The following TENM4 variants were observed in gnomAD, a reference collection of about 807,000 sequenced individuals.
TENM4 encodes the protein teneurin-4.
A neutral mutation model predicts 243.3 loss-of-function variants in TENM4; 82 were observed. The ratio of observed to expected loss-of-function variants is 0.34; its 90% CI spans 0.28 to 0.40. The LOEUF (loss-of-function observed/expected upper bound fraction) is 0.40. Among genes scored for constraint, TENM4 ranks in the 10% least tolerant of loss-of-function variants. The pLI, the probability that TENM4 is intolerant of heterozygous loss-of-function variation, is 1.00. For missense variants in TENM4, 3,138 were observed against 3,673.3 expected (o/e 0.85, Z 3.77); for synonymous variants, 1,412 against 1,456.3 (o/e 0.97, Z 0.69).
intron 1 of TENM4, among the ~76,000 whole-genome samples, chr11:79,419,845 T>C (rs1308885570): frequency 6.6e-6 from 1 of 152,162 alleles, no homozygotes; most frequent in East Asian, 1.9e-4. Flanking sequence ...GGGCCTTCAG[T>C]TTCCCCAGCT....
At chr11:78,993,035 C>T (rs1021133714) in intron 6 of TENM4, among the ~76,000 whole-genome samples, 8 of 152,148 alleles carry the variant, frequency 5.3e-5, no homozygotes, top group African/African-American at 1.9e-4. Context: ...TACCTTTATT[C>T]ATTCAGGTAC....
At chr11:78,704,549 T>G (rs537198901) in intron 27 of TENM4, among the ~76,000 whole-genome samples, 1 of 152,106 alleles carries the variant, frequency 6.6e-6, no homozygotes, top group Non-Finnish European at 1.5e-5. Flanking sequence ...GGATATTTAA[T>G]GACATGGAGA....
chr11:79,049,345 GA>G (rs995574667), intron 6 of TENM4, among the ~76,000 whole-genome samples: 94 of 152,296 alleles, frequency 6.2e-4, no homozygotes, highest in African/African-American at 1.9e-3. Context: ...CGCTCTAACA[GA>G]ATTTCTCACA....
At chr11:78,705,215 C>T (rs1249134557) in intron 27 of TENM4, among the ~76,000 whole-genome samples, 1 of 152,176 alleles carries the variant, frequency 6.6e-6, no homozygotes, top group Non-Finnish European at 1.5e-5. Context: ...CTTGTGGAGA[C>T]CTTTCTGCCT....
chr11:79,121,378 C>T (rs371547700), intron 4 of TENM4, among the ~76,000 whole-genome samples: 2 of 152,318 alleles, frequency 1.3e-5, no homozygotes, highest in East Asian at 1.9e-4. Context: ...TAATCTGGAA[C>T]ACGGTTTTCT....
intron 1 of TENM4, among the ~76,000 whole-genome samples, chr11:79,364,774 A>C (rs1857647946): frequency 6.6e-6 from 1 of 152,320 alleles, no homozygotes; most frequent in African/African-American, 2.4e-5. Context: ...AGCCCAGTCT[A>C]ACACTCATGC....
chr11:79,001,767 G>A (rs1858335801), intron 6 of TENM4, among the ~76,000 whole-genome samples: 1 of 152,114 alleles, frequency 6.6e-6, no homozygotes, highest in African/African-American at 2.4e-5. Flanking sequence ...ACCCGAGTTT[G>A]GCCATGCCTA....
intron 2 of TENM4, among the ~76,000 whole-genome samples, chr11:79,242,142 A>T (rs537900413): frequency 6.6e-6 from 1 of 152,368 alleles, no homozygotes; most frequent in African/African-American, 2.4e-5. Flanking sequence ...TTAGGAGCAG[A>T]GGCCTTCCTC....
intron 4 of TENM4, among the ~76,000 whole-genome samples, chr11:79,109,427 C>T (rs1355466930): frequency 2.0e-5 from 3 of 152,010 alleles, no homozygotes; most frequent in Admixed American, 6.5e-5. Context: ...CAGTGATTCT[C>T]CTTGTGAGGT....
At chr11:79,304,911 G>C (rs969132043) in intron 1 of TENM4, among the ~76,000 whole-genome samples, 2 of 152,176 alleles carry the variant, frequency 1.3e-5, no homozygotes, top group Non-Finnish European at 2.9e-5. Context: ...AACATGGAAA[G>C]TCTAAGAACA....
chr11:78,892,670 C>T (rs67187503), intron 7 of TENM4, among the ~76,000 whole-genome samples: 20,562 of 152,206 alleles, frequency 0.14, 2,258 homozygotes, highest in African/African-American at 0.31. Context: ...ACCTACCCTA[C>T]ATCTACCACA....
chr11:79,079,960 G>T (rs933500801), intron 4 of TENM4, among the ~76,000 whole-genome samples: 1 of 150,012 alleles, frequency 6.7e-6, no homozygotes, highest in African/African-American at 2.5e-5. Flanking sequence ...GGTCACACCA[G>T]CTCCAGAGCT....
At chr11:78,877,883 A>G (rs1591092128) in intron 9 of TENM4, among the ~76,000 whole-genome samples, 2 of 152,150 alleles carry the variant, frequency 1.3e-5, no homozygotes, top group South Asian at 4.1e-4. Context: ...GAATCATTTC[A>G]TCTCCACAGC....
At chr11:78,727,092 T>C (rs1314873715) in intron 22 of TENM4, among the ~76,000 whole-genome samples, 2 of 152,204 alleles carry the variant, frequency 1.3e-5, no homozygotes, top group Non-Finnish European at 1.5e-5. Flanking sequence ...TGTGGTGACC[T>C]GGGAAATGCT....
intron 3 of TENM4, among the ~76,000 whole-genome samples, chr11:79,201,159 G>A (rs1053810084): frequency 1.3e-5 from 2 of 152,212 alleles, no homozygotes; most frequent in African/African-American, 4.8e-5. Flanking sequence ...AAGGCAGTTG[G>A]GAAGTTTGGG....
At chr11:78,698,812 G>A (rs903977989) in intron 28 of TENM4, among the ~76,000 whole-genome samples, 10 of 152,236 alleles carry the variant, frequency 6.6e-5, no homozygotes, top group Admixed American at 3.9e-4. Context: ...CACATGGCTC[G>A]CAGCCAGTGA....
chr11:79,088,942 T>G (rs764964521), intron 4 of TENM4, among the ~76,000 whole-genome samples: 11 of 152,150 alleles, frequency 7.2e-5, no homozygotes, highest in Non-Finnish European at 1.5e-4. Flanking sequence ...AGGCCTCACT[T>G]TCCTCATCTG....
chr11:79,326,979 C>G, intron 1 of TENM4, among the ~76,000 whole-genome samples: 1 of 152,338 alleles, frequency 6.6e-6, no homozygotes, highest in South Asian at 2.1e-4. Context: ...AGAGCCTCAT[C>G]TCACTTATTT....
At chr11:78,966,346 T>C (rs112373287) in intron 6 of TENM4, among the ~76,000 whole-genome samples, 24 of 152,330 alleles carry the variant, frequency 1.6e-4, no homozygotes, top group African/African-American at 5.5e-4. Flanking sequence ...TTGCTATGCA[T>C]AAATATGTAC....
Sources: gnomAD v4.1 joint callset for allele counts (sites outside exome capture counted in the v4.1 genomes callset) on GRCh38, gnomAD v4.1.1 for gene constraint, MANE v1.5 for transcripts, NCBI Gene and HGNC (gene_info 2026-07-23, HGNC 2026-07-21) for gene names.